CRISP2: variants seen among roughly 807,000 people sequenced by gnomAD.
CRISP2 encodes cysteine-rich secretory protein 2.
Under a neutral mutation model 31.7 loss-of-function variants are expected in CRISP2, and 29 were observed. That is an observed-to-expected ratio of 0.92 (90% CI 0.68 to 1.25). CRISP2 has a LOEUF of 1.25. CRISP2 is among the 50% of genes most tolerant of loss of function. CRISP2 has a pLI of 0.00. For synonymous variants in CRISP2, 111 were observed against 101.4 expected (o/e 1.09, Z -0.57); for missense variants, 318 against 286.5 (o/e 1.11, Z -0.79).
the CRISP2 span, among the ~76,000 whole-genome samples, chr6:49,684,127 A>G: frequency 6.6e-6 from 1 of 152,116 alleles, no homozygotes; most frequent in Non-Finnish European, 1.5e-5. Context: ...TGGGAGGATA[A>G]AGTGCAAAAA....
chr6:49,691,934 A>T (rs1195920035), downstream of CRISP2, among the ~76,000 whole-genome samples: 2 of 152,046 alleles, frequency 1.3e-5, no homozygotes, highest in Non-Finnish European at 2.9e-5. Context: ...TTCCACTTTT[A>T]AAAAAAGTTT....
chr6:49,704,560 C>A (rs961109011), intron 4 of CRISP2, among the ~76,000 whole-genome samples: 4 of 152,162 alleles, frequency 2.6e-5, no homozygotes. Flanking sequence ...GTACTCTCCC[C>A]CTTCTCCTAG....
chr6:49,682,583 TTC>T, the CRISP2 span, among the ~76,000 whole-genome samples: 1 of 83,642 alleles, frequency 1.2e-5, no homozygotes, highest in East Asian at 5.6e-4. Flanking sequence ...TTTTCTTTCT[TTC>T]TTTTTCTTTC....
chr6:49,691,710 C>T (rs905992292), downstream of CRISP2, among the ~76,000 whole-genome samples: 4 of 151,812 alleles, frequency 2.6e-5, no homozygotes, highest in Admixed American at 2.6e-4. Flanking sequence ...TGTAAAATTG[C>T]TATTAATTAT....
chr6:49,682,587 TTTTCTTTCTTTCTTTCTTTC>T, the CRISP2 span, among the ~76,000 whole-genome samples: 225 of 83,650 alleles, frequency 2.7e-3, 3 homozygotes, highest in African/African-American at 8.1e-3. Context: ...CTTTCTTTCT[TTTTCTTTCTTTCTTTCTTTC>T]TTTCTTTCTT....
downstream of CRISP2, among the ~76,000 whole-genome samples, chr6:49,690,197 G>T (rs974295732): frequency 6.6e-6 from 1 of 152,114 alleles, no homozygotes; most frequent in African/African-American, 2.4e-5. Flanking sequence ...CTCCATTCAT[G>T]TGGTAAATAC....
At chr6:49,685,811 A>G in the CRISP2 span, among the ~76,000 whole-genome samples, 5 of 151,938 alleles carry the variant, frequency 3.3e-5, no homozygotes, top group Admixed American at 1.3e-4. Flanking sequence ...TTTTGTTTCT[A>G]TCCTGTTTTT....
In CRISP2 at chr6:49,692,588, T is replaced by C. The variant is rs142795989; in HGVS notation, c.*185A>G. 3.0e-4 allele frequency: 154 copies of C among 518,780 alleles called. No homozygotes were observed. The highest frequency in any genetic ancestry group is 2.7e-3 in the African/African-American group (141 of 52,274). 32.1% of individuals were successfully genotyped at this position (518,780 alleles called of 1,614,324 possible). On this transcript the variant is annotated 3_prime_UTR_variant, in exon 10 of 10. Transcript: ENST00000339139. ...TTTATGTCAGAGTTCACAGTTGTCA[T>C]CATCTACTATGCTACTTTTGTAAAT...
the CRISP2 span, among the ~76,000 whole-genome samples, chr6:49,683,616 A>T: frequency 7.2e-6 from 1 of 139,202 alleles, no homozygotes; most frequent in Non-Finnish European, 1.5e-5. Flanking sequence ...GTGAGCCGAG[A>T]TCATGCCACT....
chr6:49,708,279 ATTAAT>A (rs1481537434), intron 4 of CRISP2, among the ~76,000 whole-genome samples: 1 of 152,194 alleles, frequency 6.6e-6, no homozygotes, highest in African/African-American at 2.4e-5. Context: ...TTTAAGTGAT[ATTAAT>A]TTAAATAATA....
intron 4 of CRISP2, among the ~76,000 whole-genome samples, chr6:49,706,117 A>G (rs537292399): frequency 3.9e-5 from 6 of 152,202 alleles, no homozygotes; most frequent in Non-Finnish European, 5.9e-5. Context: ...GAATAATAAT[A>G]TTTTATAACT....
the CRISP2 span, among the ~76,000 whole-genome samples, chr6:49,682,035 G>GA: frequency 6.6e-6 from 1 of 152,048 alleles, no homozygotes; most frequent in African/African-American, 2.4e-5. Flanking sequence ...CCAGGCTGTA[G>GA]AGTTTAAAGA....
In CRISP2 at chr6:49,698,266, G is replaced by T. The variant is rs1765112008; in HGVS notation, c.417+96C>A. 3 of 1,394,702 alleles carry T rather than the reference G, an allele frequency of 2.2e-6. No individual in the cohort carries two copies. The South Asian group carries it at 3.7e-5, about 17-fold the overall frequency. The allele number at this position is 1,394,702 out of a possible 1,614,324, so 86.4% of individuals were successfully genotyped here. A position where few individuals can be genotyped will look rare whatever the true frequency, so the allele number is the denominator to read the frequency against. On this transcript the variant is annotated intron_variant, in intron 7 of 9. Coordinates refer to ENST00000339139, the MANE Select transcript of CRISP2 (RefSeq NM_003296.4). ...AGACTGTATTCTACCCACTCGGACT[G>T]TTCTCCTAAATTGAACATTACAGTG...
chr6:49,708,029 A>G (rs761985523), intron 4 of CRISP2, among the ~76,000 whole-genome samples: 5 of 152,180 alleles, frequency 3.3e-5, no homozygotes, highest in Non-Finnish European at 5.9e-5. Context: ...TTAAAAATAT[A>G]AATCTAATTA....
chr6:49,703,173 C>A (rs748575702), intron 4 of CRISP2, among the ~76,000 whole-genome samples: 16 of 141,834 alleles, frequency 1.1e-4, no homozygotes, highest in Non-Finnish European at 2.2e-4. Context: ...TTCCATTGGT[C>A]TATGTGCCTA....
chr6:49,713,522 C>G lies in CRISP2; in HGVS notation c.-198G>C, dbSNP rs1292007363. 2 of 152,276 alleles carry G rather than the reference C, an allele frequency of 1.3e-5. No homozygotes were observed. Among genetic ancestry groups the G allele is most frequent in the African/African-American group, 4.8e-5 (2 of 41,446 alleles). 9.4% of individuals were successfully genotyped at this position (152,276 alleles called of 1,614,324 possible). A position where few individuals can be genotyped will look rare whatever the true frequency, so the allele number is the denominator to read the frequency against. On this transcript the variant is annotated 5_prime_UTR_variant, in exon 1 of 10. Coordinates refer to ENST00000339139, the MANE Select transcript of CRISP2 (RefSeq NM_003296.4). ...AGACCTTCCTGCAGTTGGGCCGGCG[C>G]GTTGCGGCGTTGAGGAGCTGCGGCG...
chr6:49,682,573 TTTTCTTTCTTTCTTTTTCTTTCTTTC>T, the CRISP2 span, among the ~76,000 whole-genome samples: 9 of 105,894 alleles, frequency 8.5e-5, no homozygotes, highest in Admixed American at 2.1e-4. Context: ...CTTTCTTTCT[TTTTCTTTCTTTCTTTTTCTTTCTTTC>T]TTTCTTTCTT....
chr6:49,699,844 C>T lies in CRISP2; in HGVS notation c.231G>A (p.Lys77=). Residue 77 remains lysine, a synonymous_variant, in exon 6 of 10, where the codon AAG becomes AAA. Transcript: ENST00000339139. ...CTGGATCACTATGTTGTAAAGTGCA[C>T]TTGTTTGCCCACCTTTGGGCATTCG... ...VTTNAQRWAN[K]CTLQHSDPED... 1 of 1,612,618 alleles carries T rather than the reference C, an allele frequency of 6.2e-7. No individual in the cohort carries two copies. The highest frequency in any genetic ancestry group is 8.5e-7 in the Non-Finnish European group (1 of 1,179,146).
In CRISP2 at chr6:49,702,149, AT is replaced by A. The variant is rs1285684125; in HGVS notation, c.67-1366del. Among the ~76,000 whole-genome samples, 3 of 33,918 alleles carry A rather than the reference AT, an allele frequency of 8.8e-5. No individual in the cohort carries two copies. The East Asian group carries it at 5.6e-3, about 64-fold the overall frequency. The allele number at this position is 33,918 out of a possible 152,430, so 22.3% of individuals were successfully genotyped here. A position where few individuals can be genotyped will look rare whatever the true frequency, so the allele number is the denominator to read the frequency against. The stretch of plus-strand genomic sequence containing the variant: ...TTATATATATGTGTACTATATATAT[AT>A]ATATATATATATATATATATATATA... On this transcript the variant is annotated intron_variant, in intron 4 of 9. Coordinates refer to ENST00000339139, the MANE Select transcript of CRISP2 (RefSeq NM_003296.4).
Sources: allele counts gnomAD v4.1 joint callset (sites outside exome capture counted in the v4.1 genomes callset), GRCh38; gene constraint gnomAD v4.1.1; transcripts MANE v1.5; gene names NCBI Gene and HGNC (gene_info 2026-07-23, HGNC 2026-07-21).